RNF152: variants seen among roughly 807,000 people sequenced by gnomAD.
The protein encoded by RNF152 is E3 ubiquitin-protein ligase RNF152.
Under a neutral mutation model 12.7 loss-of-function variants are expected in RNF152, and 11 were observed. That is an observed-to-expected ratio of 0.86 (90% CI 0.54 to 1.43). The LOEUF is 1.43. Ranked by LOEUF, RNF152 falls within the 40% of genes most tolerant of loss-of-function variation. RNF152 has a pLI of 0.00. For missense variants in RNF152, 255 were observed against 274.8 expected (o/e 0.93, Z 0.51); for synonymous variants, 113 against 120.3 (o/e 0.94, Z 0.40).
At chr18:61,826,185 G>A (rs1909657288) in intron 1 of RNF152, among the ~76,000 whole-genome samples, 1 of 152,202 alleles carries the variant, frequency 6.6e-6, no homozygotes, top group Non-Finnish European at 1.5e-5. Flanking sequence ...CTCAATAGAT[G>A]CAGAAAGAAG....
At chr18:61,851,120 A>T (rs1189799286) in intron 1 of RNF152, among the ~76,000 whole-genome samples, 1 of 151,086 alleles carries the variant, frequency 6.6e-6, no homozygotes, top group Non-Finnish European at 1.5e-5. Context: ...TTATGATCTG[A>T]CTGTGGTTGG....
At chr18:61,856,674 G>A (rs1187005585) in intron 1 of RNF152, among the ~76,000 whole-genome samples, 1 of 152,154 alleles carries the variant, frequency 6.6e-6, no homozygotes, top group Non-Finnish European at 1.5e-5. Flanking sequence ...AGGGGTTGGG[G>A]GAGGGGTGGT....
chr18:61,893,330 ATCTT>A (rs889711123), upstream of RNF152: 2 of 152,294 alleles, frequency 1.3e-5, no homozygotes, highest in African/African-American at 2.4e-5. Flanking sequence ...AATCCCGAGC[ATCTT>A]TCTTTCGTTT....
rs545430583 is a variant in RNF152 at position 61,820,035 on chromosome 18, A to C, written c.-135-3437T>G. Among the ~76,000 whole-genome samples, 6 of 143,688 alleles carry C rather than the reference A, an allele frequency of 4.2e-5. No homozygotes were observed. In the South Asian group the frequency reaches 1.3e-3, roughly 32 times the overall value. 94.3% of individuals were successfully genotyped at this position (143,688 alleles called of 152,430 possible). ...GACACTATCTCAAAAAAAAAAAAAA[A>C]AAAAAAGAATCCGGCCGGGCATGGT... On this transcript the variant is annotated intron_variant, in intron 1 of 1. Coordinates refer to ENST00000312828, the MANE Select transcript of RNF152 (RefSeq NM_173557.3).
At chr18:61,892,166 AG>A (rs1243792465) in intron 1 of RNF152, among the ~76,000 whole-genome samples, 4 of 152,192 alleles carry the variant, frequency 2.6e-5, no homozygotes, top group Non-Finnish European at 1.5e-5. Context: ...CCAGAATGAG[AG>A]TCTACTGGTT....
chr18:61,819,943 C>A (rs1909299862), intron 1 of RNF152, among the ~76,000 whole-genome samples: 1 of 151,042 alleles, frequency 6.6e-6, no homozygotes, highest in Non-Finnish European at 1.5e-5. Flanking sequence ...ATCACTTAAA[C>A]CCGGGAGGCG....
intron 1 of RNF152, among the ~76,000 whole-genome samples, chr18:61,843,126 G>T (rs1030994164): frequency 6.6e-6 from 1 of 152,284 alleles, no homozygotes; most frequent in South Asian, 2.1e-4. Flanking sequence ...TGCTCTGTGG[G>T]AAGGATTTTA....
chr18:61,821,989 C>A (rs915217196), intron 1 of RNF152, among the ~76,000 whole-genome samples: 11 of 152,118 alleles, frequency 7.2e-5, no homozygotes, highest in Admixed American at 5.2e-4. Flanking sequence ...GCTTCAGAGA[C>A]CTGTTTGGCC....
At position 61,816,281 on chromosome 18, in the gene RNF152, A is replaced by G. The variant is rs9319985; in HGVS notation, c.183T>C (p.Pro61=). ...GGAGCTGCGACACGGAGAAGCCGGG[A>G]GGCAGCTTGGTGACACCGCGGCACC... ...CPWCRGVTKL[P]PGFSVSQLPD... Residue 61 remains proline, a synonymous_variant, in exon 2 of 2, where the codon CCT becomes CCC. Coordinates refer to ENST00000312828, the MANE Select transcript of RNF152 (RefSeq NM_173557.3). 378,700 of 1,614,000 alleles carry G rather than the reference A, an allele frequency of 0.23. 45,789 individuals are homozygous for G. The highest frequency in any genetic ancestry group is 0.31 in the African/African-American group (23,411 of 75,000).
chr18:61,820,502 CTA>C (rs1568262711), intron 1 of RNF152, among the ~76,000 whole-genome samples: 1 of 151,846 alleles, frequency 6.6e-6, no homozygotes, highest in African/African-American at 2.4e-5. Flanking sequence ...TCAGGTGAGA[CTA>C]TGATTGACTC....
At chr18:61,836,877 T>A (rs1039972985) in intron 1 of RNF152, among the ~76,000 whole-genome samples, 2 of 152,160 alleles carry the variant, frequency 1.3e-5, no homozygotes, top group Non-Finnish European at 1.5e-5. Context: ...AATGACCAAT[T>A]TAGGCATAAA....
intron 1 of RNF152, among the ~76,000 whole-genome samples, chr18:61,847,971 C>T (rs566370199): frequency 1.6e-4 from 24 of 152,276 alleles, no homozygotes; most frequent in Non-Finnish European, 2.8e-4. Context: ...CGCTTCCCTT[C>T]GTGTGATTAT....
At chr18:61,863,915 A>G (rs1390570134) in intron 1 of RNF152, among the ~76,000 whole-genome samples, 1 of 152,172 alleles carries the variant, frequency 6.6e-6, no homozygotes, top group African/African-American at 2.4e-5. Flanking sequence ...TTGGGTGGTG[A>G]GCTCCCGCTC....
intron 1 of RNF152, among the ~76,000 whole-genome samples, chr18:61,830,105 T>C (rs2144646865): frequency 6.6e-6 from 1 of 151,576 alleles, no homozygotes; most frequent in Admixed American, 6.6e-5. Flanking sequence ...CACTGCAACC[T>C]TCACTTCACG....
intron 1 of RNF152, among the ~76,000 whole-genome samples, chr18:61,889,958 C>T (rs541318290): frequency 7.7e-4 from 117 of 152,334 alleles, no homozygotes; most frequent in African/African-American, 2.7e-3. Context: ...AATGGCCTTT[C>T]ACTTCAGAGT....
chr18:61,881,587 C>T (rs1194096367), intron 1 of RNF152, among the ~76,000 whole-genome samples: 2 of 152,154 alleles, frequency 1.3e-5, no homozygotes, highest in South Asian at 2.1e-4. Context: ...GACATGAAAT[C>T]AAATGAATGC....
chr18:61,820,020 C>CAAAAAAA (rs1165545204), intron 1 of RNF152, among the ~76,000 whole-genome samples: 2 of 64,368 alleles, frequency 3.1e-5, no homozygotes, highest in Admixed American at 1.9e-4. Context: ...GACACTATCT[C>CAAAAAAA]AAAAAAAAAA....
chr18:61,834,969 T>G (rs1340317679), intron 1 of RNF152, among the ~76,000 whole-genome samples: 1 of 152,222 alleles, frequency 6.6e-6, no homozygotes, highest in Non-Finnish European at 1.5e-5. Context: ...CAACGTTCCC[T>G]GGGTGATTCC....
intron 1 of RNF152, among the ~76,000 whole-genome samples, chr18:61,868,985 G>C (rs76324537): frequency 0.032 from 4,852 of 152,216 alleles, 267 homozygotes; most frequent in African/African-American, 0.11. Flanking sequence ...TTCATGATGA[G>C]AGTAACTAAA....
Sources: gnomAD v4.1 joint callset for allele counts (sites outside exome capture counted in the v4.1 genomes callset) on GRCh38, gnomAD v4.1.1 for gene constraint, MANE v1.5 for transcripts, NCBI Gene and HGNC (gene_info 2026-07-23, HGNC 2026-07-21) for gene names.